The following FAM118B variants were observed in gnomAD, a reference collection of about 807,000 sequenced individuals.
FAM118B encodes the protein SIR2 antiphage like 1.
FAM118B carries 24 observed loss-of-function variants against 38.5 expected under a neutral mutation model. The ratio of observed to expected loss-of-function variants is 0.62; its 90% CI spans 0.45 to 0.88. The LOEUF is 0.88. Ranked by LOEUF, FAM118B falls within the 40% of genes least tolerant of loss-of-function variation. The pLI, the probability that FAM118B is intolerant of heterozygous loss-of-function variation, is 0.00. For missense variants in FAM118B, 334 were observed against 420.0 expected, an observed-to-expected ratio of 0.80 and a Z score of 1.79; for synonymous variants, 138 against 156.3, an observed-to-expected ratio of 0.88 and a Z score of 0.87.
chr11:126,239,151 G>C (rs687033), intron 3 of FAM118B, among the ~76,000 whole-genome samples: 5 of 151,464 alleles, frequency 3.3e-5, no homozygotes, highest in Admixed American at 2.6e-4. Flanking sequence ...TTCTTTCTTT[G>C]TTTGGCAGAG....
Position 126,212,372 on chromosome 11 carries a change from C to G in FAM118B, c.-77+542C>G, listed in dbSNP as rs547999173. Among the ~76,000 whole-genome samples the G allele has an allele frequency of 3.9e-5, 6 of 152,276 alleles. No individual in the cohort carries two copies. In the South Asian group the frequency reaches 1.2e-3, roughly 32 times the overall value. On this transcript the variant is annotated intron_variant, in intron 1 of 8. Coordinates refer to ENST00000533050, the MANE Select transcript of FAM118B (RefSeq NM_024556.4). Reference sequence around the variant, plus strand: ...TAAAGAAAAAGCTGAAAGAACGGAGCACAGACCTTCACTTTTCCTGTTTCC... The same window carrying G: ...TAAAGAAAAAGCTGAAAGAACGGAGGACAGACCTTCACTTTTCCTGTTTCC...
intron 7 of FAM118B, among the ~76,000 whole-genome samples, chr11:126,258,708 G>A (rs1170036127): frequency 6.6e-6 from 1 of 152,154 alleles, no homozygotes; most frequent in Admixed American, 6.6e-5. Flanking sequence ...TGCACATGTT[G>A]TTTTCATTAA....
intron 7 of FAM118B, 172 bp from the exon 8 acceptor site, chr11:126,261,253 A>G: frequency 1.7e-6 from 1 of 595,494 alleles, no homozygotes; most frequent in Non-Finnish European, 3.0e-6. Context: ...AAGTCTAAAG[A>G]CTACTCCAGT....
intron 1 of FAM118B, among the ~76,000 whole-genome samples, chr11:126,222,639 C>T (rs747600474): frequency 5.3e-5 from 8 of 152,322 alleles, no homozygotes; most frequent in South Asian, 4.1e-4. Flanking sequence ...GATATCAGCA[C>T]GGAAGGTATT....
At chr11:126,219,653 G>A (rs969899707) in intron 1 of FAM118B, among the ~76,000 whole-genome samples, 1 of 152,052 alleles carries the variant, frequency 6.6e-6, no homozygotes, top group African/African-American at 2.4e-5. Context: ...TTTGAGATCT[G>A]TTGCCAGAAC....
rs1405474997 is a variant in FAM118B at position 126,241,104 on chromosome 11, T to C, written c.339+60T>C. On this transcript the variant is annotated intron_variant, in intron 4 of 8. Coordinates refer to ENST00000533050, the MANE Select transcript of FAM118B (RefSeq NM_024556.4). ...TTTCCTAAAATTTAACTATCACAAC[T>C]AGCATGATTTGGCTGTCAAAACTAG... The C allele has an allele frequency of 2.7e-6, 4 of 1,485,008 alleles. No individual in the cohort carries two copies. In the African/African-American group the frequency reaches 4.2e-5, roughly 16 times the overall value. The allele number at this position is 1,485,008 out of a possible 1,614,324, so 92.0% of individuals were successfully genotyped here.
intron 1 of FAM118B, among the ~76,000 whole-genome samples, chr11:126,213,494 T>G (rs931351064): frequency 4.6e-5 from 7 of 152,322 alleles, no homozygotes; most frequent in Admixed American, 2.0e-4. Context: ...ATTATTACCT[T>G]CCATGCTCCA....
intron 4 of FAM118B, among the ~76,000 whole-genome samples, chr11:126,246,257 T>C (rs1288432376): frequency 6.6e-6 from 1 of 152,202 alleles, no homozygotes; most frequent in Admixed American, 6.5e-5. Flanking sequence ...GAAATGTCCA[T>C]ATTAGAAAAG....
At chr11:126,227,058 C>CTTTTTTTT (rs575065140) in intron 1 of FAM118B, among the ~76,000 whole-genome samples, 4 of 97,164 alleles carry the variant, frequency 4.1e-5, no homozygotes, top group Non-Finnish European at 6.0e-5. Flanking sequence ...ATACAAGCTT[C>CTTTTTTTT]TTTTTTTTTT....
intron 1 of FAM118B, among the ~76,000 whole-genome samples, chr11:126,228,413 T>C (rs1255805554): frequency 1.3e-5 from 2 of 152,050 alleles, no homozygotes; most frequent in Non-Finnish European, 2.9e-5. Flanking sequence ...TTGGCCAGGC[T>C]GGTCTCAAAC....
In FAM118B at chr11:126,240,923, T is replaced by C; in HGVS notation, c.218T>C (p.Leu73Pro). The change falls in exon 4 of 9, where the codon CTG becomes CCG. Residue 73 changes from leucine to proline, a missense_variant. Physicochemically the swap from Leu to Pro is moderately conservative, Grantham distance 98. Coordinates refer to ENST00000533050, the MANE Select transcript of FAM118B (RefSeq NM_024556.4). ...TGGAAGGGGTTAATTCAGGCCTTAC[T>C]GGATGCTGCCATTGATTTTGATCTT... is the stretch of plus-strand genomic sequence containing the variant. Reference protein sequence around the residue: ...KSWKGLIQALLDAAIDFDLLE... With the variant: ...KSWKGLIQALPDAAIDFDLLE... 6.2e-7 allele frequency: 1 copy of C among 1,614,250 alleles called. No individual in the cohort carries two copies. The highest frequency in any genetic ancestry group is 8.5e-7 in the Non-Finnish European group (1 of 1,180,044).
At chr11:126,226,570 A>G (rs1192325323) in intron 1 of FAM118B, among the ~76,000 whole-genome samples, 1 of 152,248 alleles carries the variant, frequency 6.6e-6, no homozygotes, top group East Asian at 1.9e-4. Flanking sequence ...TCCCCCCGGC[A>G]GGGCTGCATA....
At chr11:126,247,332 A>C (rs920971844) in intron 4 of FAM118B, among the ~76,000 whole-genome samples, 19 of 152,200 alleles carry the variant, frequency 1.2e-4, no homozygotes, top group Non-Finnish European at 2.9e-5. Flanking sequence ...TGAGGAAATC[A>C]ATGCAGTTGC....
rs3017013 is a variant in FAM118B, at chr11:126,250,024, C to A, written c.340-482C>A. Among the ~76,000 whole-genome samples, 4,242 of 151,912 alleles carry A rather than the reference C, an allele frequency of 0.028. 792 individuals are homozygous for A. In the East Asian group the frequency reaches 0.54, roughly 19 times the overall value. ...GCTATCTGCTAAGCATTGTGCTAAG[C>A]ACTTGGCATGTATCATCTCATCTTC... On this transcript the variant is annotated intron_variant, in intron 4 of 8. Transcript: ENST00000533050. This position sits in a 1 kb window ranked among gnomAD's most constrained non-coding sequence, Gnocchi z 5.1.
chr11:126,215,154 T>C (rs1203631110), intron 1 of FAM118B, among the ~76,000 whole-genome samples: 1 of 152,234 alleles, frequency 6.6e-6, no homozygotes. Flanking sequence ...AACAAATAAT[T>C]TGGGCTTCAG....
chr11:126,225,525 C>T (rs2135138539), intron 1 of FAM118B, among the ~76,000 whole-genome samples: 1 of 152,292 alleles, frequency 6.6e-6, no homozygotes, highest in African/African-American at 2.4e-5. Flanking sequence ...CATACTTGCC[C>T]ACAGCTAATC....
rs1950530754 is a variant in FAM118B, at chr11:126,253,300, T to C, written c.568-1005T>C. 6.6e-6 allele frequency among the ~76,000 whole-genome samples: 1 copy of C among 152,318 alleles called. No individual in the cohort carries two copies. The highest frequency in any genetic ancestry group is 1.5e-5 in the Non-Finnish European group (1 of 68,034). On this transcript the variant is annotated intron_variant, in intron 5 of 8. Transcript: ENST00000533050. The surrounding 1 kb of genome is among the most constrained non-coding windows in gnomAD (Gnocchi z 5.1). ...ATTGACTGGTAGTCAGAATGGGGCC[T>C]AGTAACATTCAAATTCTAAATCTCG... is the stretch of plus-strand genomic sequence containing the variant.
At chr11:126,261,641 CTA>C (rs1333531925) in intron 8 of FAM118B, among the ~76,000 whole-genome samples, 157 bp downstream of exon 8, 2 of 152,214 alleles carry the variant, frequency 1.3e-5, no homozygotes, top group African/African-American at 4.8e-5. Flanking sequence ...ATTAAGGATT[CTA>C]TCTTTTCCTA....
At chr11:126,223,381 C>T (rs1457659163) in intron 1 of FAM118B, among the ~76,000 whole-genome samples, 2 of 151,868 alleles carry the variant, frequency 1.3e-5, no homozygotes, top group African/African-American at 2.4e-5. Flanking sequence ...GGGCAGATCA[C>T]GAGTCAGGAG....
Sources: gnomAD v4.1 joint callset for allele counts (sites outside exome capture counted in the v4.1 genomes callset) on GRCh38, gnomAD v4.1.1 for gene constraint, Gnocchi (gnomAD v3.1) non-coding constraint, MANE v1.5 for transcripts, NCBI Gene and HGNC (gene_info 2026-07-23, HGNC 2026-07-21) for gene names.